CFAP299: variants seen among roughly 807,000 people sequenced by gnomAD.
CFAP299 encodes cilia and flagella associated protein 299.
CFAP299 carries 21 observed loss-of-function variants against 27.0 expected under a neutral mutation model. The observed-to-expected ratio is 0.78, with a 90% CI of 0.55 to 1.12. The LOEUF (loss-of-function observed/expected upper bound fraction) is 1.12. Ranked by LOEUF, CFAP299 falls within the 50% of genes most tolerant of loss-of-function variation. CFAP299 has a pLI of 0.00. For synonymous variants in CFAP299, 104 were observed against 98.1 expected (o/e 1.06, Z -0.36); for missense variants, 310 against 276.6 (o/e 1.12, Z -0.86).
At chr4:80,386,655 G>T in intron 2 of CFAP299, 9 of 1,590,880 alleles carry the variant, frequency 5.7e-6, no homozygotes, top group Non-Finnish European at 7.7e-6. Flanking sequence ...GTGTGGGCGC[G>T]CAGGTGCTCG....
intron 3 of CFAP299, among the ~76,000 whole-genome samples, chr4:80,826,771 G>A (rs1333790384): frequency 6.6e-6 from 1 of 151,866 alleles, no homozygotes; most frequent in Non-Finnish European, 1.5e-5. Flanking sequence ...CTAAGTGCAT[G>A]TGGGACATTG....
At chr4:80,618,630 A>G (rs1374197547) in intron 3 of CFAP299, among the ~76,000 whole-genome samples, 1 of 152,136 alleles carries the variant, frequency 6.6e-6, no homozygotes, top group African/African-American at 2.4e-5. Flanking sequence ...AAGTTATGTA[A>G]AAGTAGTTGA....
chr4:80,502,003 T>C (rs558881054), intron 2 of CFAP299, among the ~76,000 whole-genome samples: 1 of 152,166 alleles, frequency 6.6e-6, no homozygotes, highest in East Asian at 1.9e-4. Context: ...TTATTCTTAG[T>C]TACGGATGAT....
intron 3 of CFAP299, among the ~76,000 whole-genome samples, chr4:80,864,543 T>C (rs982956052): frequency 1.4e-4 from 20 of 147,822 alleles, no homozygotes; most frequent in African/African-American, 4.4e-4. Context: ...TACGTATATA[T>C]AGGTATATAT....
intron 3 of CFAP299, among the ~76,000 whole-genome samples, chr4:80,717,363 C>A (rs1432828945): frequency 2.0e-5 from 3 of 152,078 alleles, no homozygotes; most frequent in Non-Finnish European, 2.9e-5. Context: ...GAACGTCTGG[C>A]AATGATTTTC....
chr4:80,796,158 C>T, intron 3 of CFAP299, among the ~76,000 whole-genome samples: 1 of 152,170 alleles, frequency 6.6e-6, no homozygotes, highest in East Asian at 1.9e-4. Context: ...AATAGGTCCA[C>T]TAGGCATTGT....
intron 4 of CFAP299, among the ~76,000 whole-genome samples, chr4:80,925,023 G>C (rs1489959702): frequency 6.6e-6 from 1 of 151,676 alleles, no homozygotes; most frequent in African/African-American, 2.4e-5. Context: ...TTTGTTGTTT[G>C]ATTTTATTTT....
intron 4 of CFAP299, among the ~76,000 whole-genome samples, chr4:80,933,600 A>G (rs1286506307): frequency 6.6e-6 from 1 of 152,088 alleles, no homozygotes; most frequent in Non-Finnish European, 1.5e-5. Flanking sequence ...TTTTTATGAC[A>G]TCAATTCATT....
chr4:80,872,904 T>A, intron 4 of CFAP299: 1 of 965,472 alleles, frequency 1.0e-6, no homozygotes, highest in Non-Finnish European at 1.2e-6. Context: ...ATCATCTCTC[T>A]GTGTGTAGTT....
intron 3 of CFAP299, among the ~76,000 whole-genome samples, chr4:80,583,503 A>C (rs1033170959): frequency 6.6e-6 from 1 of 151,774 alleles, no homozygotes; most frequent in African/African-American, 2.4e-5. Context: ...ACATTCTCCC[A>C]AGTTGCATCA....
chr4:80,367,048 G>A (rs1172432015), intron 2 of CFAP299, among the ~76,000 whole-genome samples: 2 of 152,230 alleles, frequency 1.3e-5, no homozygotes, highest in East Asian at 3.9e-4. Context: ...AGGACTGGAT[G>A]GAAGGGAGAT....
chr4:80,720,746 T>C, intron 3 of CFAP299, among the ~76,000 whole-genome samples: 1 of 152,144 alleles, frequency 6.6e-6, no homozygotes, highest in East Asian at 1.9e-4. Flanking sequence ...AGGAAAATGC[T>C]ACCCATAATA....
intron 3 of CFAP299, among the ~76,000 whole-genome samples, chr4:80,860,953 G>A (rs1394625877): frequency 5.3e-5 from 8 of 152,220 alleles, no homozygotes; most frequent in Admixed American, 2.6e-4. Flanking sequence ...GTCAGACAGG[G>A]ACATTTAAGT....
At chr4:80,655,467 C>T (rs908218455) in intron 3 of CFAP299, among the ~76,000 whole-genome samples, 5 of 152,108 alleles carry the variant, frequency 3.3e-5, no homozygotes, top group African/African-American at 1.2e-4. Context: ...AATGGGTACA[C>T]AGAATTGGTA....
intron 4 of CFAP299, among the ~76,000 whole-genome samples, chr4:80,936,270 C>G (rs753524684): frequency 3.3e-5 from 5 of 151,856 alleles, no homozygotes; most frequent in East Asian, 1.9e-4. Context: ...ACCATTTGAC[C>G]CAGGAATCAC....
intron 2 of CFAP299, among the ~76,000 whole-genome samples, chr4:80,417,219 C>T (rs1207179264): frequency 6.6e-5 from 10 of 152,162 alleles, no homozygotes; most frequent in Admixed American, 5.9e-4. Flanking sequence ...CATGCTAATA[C>T]ATTGTAATGA....
intron 5 of CFAP299, among the ~76,000 whole-genome samples, chr4:80,947,546 A>G (rs1737538250): frequency 6.6e-6 from 1 of 152,112 alleles, no homozygotes; most frequent in South Asian, 2.1e-4. Flanking sequence ...TCTGATCTCT[A>G]GAGTTCCTTT....
intron 3 of CFAP299, among the ~76,000 whole-genome samples, chr4:80,619,625 A>G: frequency 6.6e-6 from 1 of 152,128 alleles, no homozygotes; most frequent in Non-Finnish European, 1.5e-5. Flanking sequence ...TGAATACAGA[A>G]TACAGTGTTT....
intron 3 of CFAP299, among the ~76,000 whole-genome samples, chr4:80,654,949 T>A (rs750131001): frequency 6.6e-6 from 1 of 152,088 alleles, no homozygotes; most frequent in Non-Finnish European, 1.5e-5. Flanking sequence ...AATTAAAATA[T>A]GTATTTTCAT....
Sources: allele counts gnomAD v4.1 joint callset (sites outside exome capture counted in the v4.1 genomes callset), GRCh38; gene constraint gnomAD v4.1.1; transcripts MANE v1.5; gene names NCBI Gene and HGNC (gene_info 2026-07-23, HGNC 2026-07-21).